ATIC: variants seen among roughly 807,000 people sequenced by gnomAD.
The protein encoded by ATIC is bifunctional purine biosynthesis protein ATIC.
Under a neutral mutation model 72.5 loss-of-function variants are expected in ATIC, and 64 were observed. The observed-to-expected ratio is 0.88, with a 90% confidence interval of 0.72 to 1.09. The LOEUF (loss-of-function observed/expected upper bound fraction) is 1.09. Among genes scored for constraint, ATIC ranks in the 50% least tolerant of loss-of-function variants. The pLI is 0.00. For missense variants in ATIC, 787 were observed against 732.4 expected, an observed-to-expected ratio of 1.07 and a Z score of -0.86; for synonymous variants, 281 against 267.1, an observed-to-expected ratio of 1.05 and a Z score of -0.51.
chr2:215,365,525 C>A, the ATIC span: 2 of 1,614,132 alleles, frequency 1.2e-6, no homozygotes, highest in Non-Finnish European at 1.7e-6. Context: ...CTTGAATTCT[C>A]CTTTTCCGTT....
At chr2:215,315,564 G>C (rs1291498552) in intron 2 of ATIC, among the ~76,000 whole-genome samples, 1 of 152,158 alleles carries the variant, frequency 6.6e-6, no homozygotes, top group African/African-American at 2.4e-5. Flanking sequence ...CATGTTGTCT[G>C]TCTGGTCTTG....
At chr2:215,361,297 C>T in the ATIC span, 15 of 429,280 alleles carry the variant, frequency 3.5e-5, no homozygotes, top group South Asian at 3.4e-4. Context: ...AGAATCACTT[C>T]ATTTAAAATA....
At chr2:215,347,105 C>A in intron 14 of ATIC, 164 bp downstream of exon 14, 2 of 940,546 alleles carry the variant, frequency 2.1e-6, no homozygotes, top group Non-Finnish European at 3.2e-6. Context: ...TTCTCATGTT[C>A]TTCTGTCTCA....
the ATIC span, chr2:215,365,738 A>G: frequency 1.1e-6 from 1 of 941,062 alleles, no homozygotes. Flanking sequence ...CATGATCTGG[A>G]AAAATAGCAA....
chr2:215,316,153 T>TA (rs2052706092), intron 2 of ATIC, among the ~76,000 whole-genome samples: 1 of 152,162 alleles, frequency 6.6e-6, no homozygotes, highest in Non-Finnish European at 1.5e-5. Flanking sequence ...TATAAATTCT[T>TA]CAGTTCAAAG....
At position 215,319,774 on chromosome 2, in the gene ATIC, G is replaced by A. The variant is rs376959214; in HGVS notation, c.290+43G>A. On this transcript the variant is annotated intron_variant, in intron 4 of 15. Coordinates refer to ENST00000236959, the MANE Select transcript of ATIC (RefSeq NM_004044.7). The stretch of plus-strand genomic sequence containing the variant: ...AACTTTTAACACATTACGAACCAAC[G>A]ACAAAGACTATGCCAAACCTGGTGT... 7.3e-5 allele frequency: 108 copies of A among 1,475,488 alleles called. No homozygotes were observed. The African/African-American group carries it at 9.4e-4, about 13-fold the overall frequency. 91.4% of individuals were successfully genotyped at this position (1,475,488 alleles called of 1,614,324 possible). A position where few individuals can be genotyped will look rare whatever the true frequency, so the allele number is the denominator to read the frequency against.
chr2:215,347,283 T>C, intron 14 of ATIC: 4 of 389,550 alleles, frequency 1.0e-5, no homozygotes, highest in South Asian at 8.6e-5. Context: ...CACCACGTCA[T>C]GCATGGTGCT....
At chr2:215,312,200 C>G (rs764844576) in intron 1 of ATIC, 39 bp downstream of exon 1, 2 of 1,486,960 alleles carry the variant, frequency 1.3e-6, no homozygotes, top group African/African-American at 1.5e-5. Context: ...GCGTCCTCGC[C>G]TGCGGCCCCC....
intron 7 of ATIC, 24 bp from the exon 8 acceptor site, chr2:215,332,358 G>A (rs1188690972): frequency 6.2e-7 from 1 of 1,613,722 alleles, no homozygotes; most frequent in South Asian, 1.1e-5. Flanking sequence ...GCTTAGTAAT[G>A]TGCATGTATA....
rs2177737 is a variant in ATIC at position 215,325,968 on chromosome 2, A to T, written c.380-19A>T. ...TGATAGGGACATACAAAAATCAATA[A>T]GTCTTTTGTTCTTCAAAGGTGGAGT... On this transcript the variant is annotated intron_variant, in intron 5 of 15. Coordinates refer to ENST00000236959, the MANE Select transcript of ATIC (RefSeq NM_004044.7). 5.8e-5 allele frequency: 94 copies of T among 1,613,760 alleles called. No homozygotes were observed. Among genetic ancestry groups the T allele is most frequent in the South Asian group, 1.3e-4 (12 of 91,058 alleles).
intron 9 of ATIC, among the ~76,000 whole-genome samples, chr2:215,333,991 A>C (rs1248798574): frequency 6.6e-6 from 1 of 151,552 alleles, no homozygotes; most frequent in Non-Finnish European, 1.5e-5. Flanking sequence ...GCAGTGAGCC[A>C]AGATAGCGCC....
chr2:215,364,788 C>A, the ATIC span: 1 of 837,782 alleles, frequency 1.2e-6, no homozygotes, highest in South Asian at 1.4e-5. Context: ...TCCGAAGGGT[C>A]TCTGCCCCTC....
intron 4 of ATIC, among the ~76,000 whole-genome samples, chr2:215,323,668 CT>C (rs1225699193): frequency 6.6e-6 from 1 of 152,214 alleles, no homozygotes; most frequent in Non-Finnish European, 1.5e-5. Context: ...AACTTCACTG[CT>C]TTCTTTCCAG....
chr2:215,353,409 AT>A (rs915600837), downstream of ATIC, among the ~76,000 whole-genome samples: 1 of 151,360 alleles, frequency 6.6e-6, no homozygotes, highest in African/African-American at 2.4e-5. Flanking sequence ...CACTTAGCCT[AT>A]TTTTTAAGAC....
intron 4 of ATIC, among the ~76,000 whole-genome samples, chr2:215,322,329 C>CT (rs762086501): frequency 0.035 from 4,782 of 137,232 alleles, 155 homozygotes; most frequent in African/African-American, 0.083. Flanking sequence ...TATTTTCTTT[C>CT]TTTTTTTTTT....
Position 215,326,812 on chromosome 2 carries a change from C to G in ATIC, c.532-10C>G. On this transcript the variant is annotated splice_polypyrimidine_tract_variant and intron_variant, in intron 6 of 15. Transcript: ENST00000236959. The stretch of plus-strand genomic sequence containing the variant: ...CTGCTCGTGTCTCACAAAACTTACG[C>G]TTTTTGTAGGCATTCACTCATACGG... 6.2e-7 allele frequency: 1 copy of G among 1,613,862 alleles called. No individual in the cohort carries two copies. Among genetic ancestry groups the G allele is most frequent in the South Asian group, 1.1e-5 (1 of 91,064 alleles).
intron 7 of ATIC, 99 bp from the exon 8 acceptor site, chr2:215,332,283 T>G: frequency 6.5e-7 from 1 of 1,528,370 alleles, no homozygotes; most frequent in Admixed American, 1.7e-5. Flanking sequence ...TAATTATACT[T>G]AAAACATTTG....
chr2:215,365,613 C>T, the ATIC span: 3 of 1,613,844 alleles, frequency 1.9e-6, no homozygotes, highest in Non-Finnish European at 1.7e-6. Context: ...TAGTTCACAC[C>T]ATTGTCATGG....
the ATIC span, chr2:215,367,936 C>T: frequency 6.2e-7 from 1 of 1,614,060 alleles, no homozygotes; most frequent in Non-Finnish European, 8.5e-7. Flanking sequence ...CTGATTCAGA[C>T]ATTCGTTCCC....
Sources: gnomAD v4.1 joint callset for allele counts (sites outside exome capture counted in the v4.1 genomes callset) on GRCh38, gnomAD v4.1.1 for gene constraint, MANE v1.5 for transcripts, NCBI Gene and HGNC (gene_info 2026-07-23, HGNC 2026-07-21) for gene names.